FAM3C: variants seen among roughly 807,000 people sequenced by gnomAD.
FAM3C encodes the protein FAM3 metabolism regulating signaling molecule C, also known as protein FAM3C.
FAM3C carries 15 observed loss-of-function variants against 32.5 expected under a neutral mutation model. The ratio of observed to expected loss-of-function variants is 0.46; its 90% confidence interval spans 0.31 to 0.71. The LOEUF (loss-of-function observed/expected upper bound fraction) is 0.71. FAM3C is among the 30% of genes least tolerant of loss of function. The pLI is 0.05. For missense variants in FAM3C, 175 were observed against 274.4 expected, an observed-to-expected ratio of 0.64 and a Z score of 2.56; for synonymous variants, 75 against 86.1, an observed-to-expected ratio of 0.87 and a Z score of 0.72.
intron 5 of FAM3C, among the ~76,000 whole-genome samples, chr7:121,370,661 T>G (rs555137762): frequency 6.6e-6 from 1 of 152,132 alleles, no homozygotes; most frequent in Non-Finnish European, 1.5e-5. Flanking sequence ...CATCTCAACA[T>G]AGGAAACCAT....
At chr7:121,368,469 A>G (rs912390525) in intron 5 of FAM3C, among the ~76,000 whole-genome samples, 1 of 152,226 alleles carries the variant, frequency 6.6e-6, no homozygotes, top group Non-Finnish European at 1.5e-5. Flanking sequence ...TGTATAAGCA[A>G]TAAAGTCTGT....
intron 9 of FAM3C, among the ~76,000 whole-genome samples, chr7:121,350,807 A>T (rs1793688490): frequency 6.6e-6 from 1 of 152,208 alleles, no homozygotes; most frequent in Non-Finnish European, 1.5e-5. Flanking sequence ...TTTACATTCT[A>T]CTAAGTTCTA....
At chr7:121,386,559 T>TAC (rs372621805) in intron 1 of FAM3C, among the ~76,000 whole-genome samples, 14 of 150,832 alleles carry the variant, frequency 9.3e-5, no homozygotes, top group East Asian at 5.8e-4. Flanking sequence ...AATAAACATA[T>TAC]ACACACACAC....
chr7:121,373,918 C>T (rs1794193376), intron 3 of FAM3C, among the ~76,000 whole-genome samples: 1 of 150,646 alleles, frequency 6.6e-6, no homozygotes, highest in South Asian at 2.1e-4. Context: ...ATGGCGTGAA[C>T]CCGCGAGGTG....
At chr7:121,353,804 G>A (rs192215245) in intron 8 of FAM3C, among the ~76,000 whole-genome samples, 52 of 152,272 alleles carry the variant, frequency 3.4e-4, no homozygotes, top group Admixed American at 2.2e-3. Context: ...CTCCACTTGG[G>A]AGAAGACTCC....
At chr7:121,378,451 C>A (rs1354615646) in intron 3 of FAM3C, among the ~76,000 whole-genome samples, 1 of 152,100 alleles carries the variant, frequency 6.6e-6, no homozygotes, top group Non-Finnish European at 1.5e-5. Flanking sequence ...TCCTGAGTAG[C>A]TGGAATTACA....
chr7:121,366,745 T>C (rs901613265), intron 5 of FAM3C, among the ~76,000 whole-genome samples: 1 of 152,204 alleles, frequency 6.6e-6, no homozygotes, highest in Non-Finnish European at 1.5e-5. Flanking sequence ...GCTTGGAGCA[T>C]ATACATTTAA....
chr7:121,356,266 C>T (rs1793806342), intron 8 of FAM3C, among the ~76,000 whole-genome samples: 1 of 152,090 alleles, frequency 6.6e-6, no homozygotes, highest in Admixed American at 6.6e-5. Flanking sequence ...TTGATGCATT[C>T]ATTTTAAGAG....
chr7:121,363,027 T>C, intron 6 of FAM3C, 80 bp from the exon 7 acceptor site: 1 of 675,976 alleles, frequency 1.5e-6, no homozygotes, highest in Middle Eastern at 2.4e-4. Context: ...CATCCAATGA[T>C]TGATGTGAAT....
In FAM3C at chr7:121,394,797, G is replaced by A. The variant is rs542132836; in HGVS notation, c.-42+1365C>T. 6.0e-4 allele frequency among the ~76,000 whole-genome samples: 92 copies of A among 152,280 alleles called. 1 individual carries two copies. The highest frequency in any genetic ancestry group is 5.0e-4 in the Non-Finnish European group (34 of 68,024). On this transcript the variant is annotated intron_variant, in intron 1 of 9. Coordinates refer to ENST00000359943, the MANE Select transcript of FAM3C (RefSeq NM_014888.3). ...ACAGGTCGATGAAGTGACCAAAACC[G>A]GATGCTGATTTGCTGATTCTGCCAA...
chr7:121,385,085 G>A (rs1263434679), intron 1 of FAM3C, among the ~76,000 whole-genome samples: 2 of 152,040 alleles, frequency 1.3e-5, no homozygotes, highest in Admixed American at 1.3e-4. Context: ...CAGAGAAAAG[G>A]AGCACAATAG....
intron 8 of FAM3C, among the ~76,000 whole-genome samples, chr7:121,357,648 C>T (rs1214814224): frequency 6.6e-6 from 1 of 152,118 alleles, no homozygotes; most frequent in Non-Finnish European, 1.5e-5. Flanking sequence ...CAAACTAATA[C>T]AACTCAATTC....
At chr7:121,384,856 G>T (rs145331318) in intron 1 of FAM3C, among the ~76,000 whole-genome samples, 3 of 152,236 alleles carry the variant, frequency 2.0e-5, no homozygotes, top group African/African-American at 7.2e-5. Flanking sequence ...TCTACATCAG[G>T]ATAGGAGTAT....
chr7:121,390,867 G>T (rs969635393), intron 1 of FAM3C, among the ~76,000 whole-genome samples: 1 of 35,254 alleles, frequency 2.8e-5, no homozygotes, highest in African/African-American at 6.3e-5. Context: ...GGGGGGGGGG[G>T]GGGGGAAGGT....
intron 1 of FAM3C, among the ~76,000 whole-genome samples, chr7:121,386,459 T>C (rs376910541): frequency 7.2e-5 from 11 of 152,136 alleles, no homozygotes; most frequent in African/African-American, 2.6e-4. Context: ...GACCAGACTA[T>C]ACCATTCATT....
intron 1 of FAM3C, among the ~76,000 whole-genome samples, chr7:121,391,169 TG>T (rs1241068055): frequency 2.6e-5 from 4 of 152,186 alleles, no homozygotes; most frequent in African/African-American, 9.6e-5. Flanking sequence ...AAATGGTGAC[TG>T]GATTTCTGCA....
chr7:121,374,242 T>C, intron 3 of FAM3C, among the ~76,000 whole-genome samples: 1 of 152,142 alleles, frequency 6.6e-6, no homozygotes. Flanking sequence ...ATGCACCATC[T>C]CTCTGTATAT....
chr7:121,357,833 C>G (rs1793843243), intron 8 of FAM3C, among the ~76,000 whole-genome samples: 1 of 152,042 alleles, frequency 6.6e-6, no homozygotes, highest in Non-Finnish European at 1.5e-5. Flanking sequence ...TCCCCTAGTT[C>G]TTAGTTGTGG....
intron 8 of FAM3C, among the ~76,000 whole-genome samples, chr7:121,352,043 G>A (rs1362917506): frequency 5.9e-5 from 9 of 152,094 alleles, no homozygotes; most frequent in Admixed American, 5.9e-4. Flanking sequence ...AAAAAATTAA[G>A]GGCTACTTGT....
Sources: allele counts gnomAD v4.1 joint callset (sites outside exome capture counted in the v4.1 genomes callset), GRCh38; gene constraint gnomAD v4.1.1; transcripts MANE v1.5; gene names NCBI Gene and HGNC (gene_info 2026-07-23, HGNC 2026-07-21).